Variants in MEI4 observed in about 807,000 individuals in gnomAD.
MEI4 encodes meiosis-specific protein MEI4.
In MEI4, 27 loss-of-function variants were observed where a neutral mutation model predicts 31.4. That is an observed-to-expected ratio of 0.86 (90% confidence interval 0.63 to 1.19). MEI4 has a LOEUF of 1.19. Ranked by LOEUF, MEI4 falls within the 50% of genes most tolerant of loss-of-function variation. MEI4 has a pLI of 0.00. For missense variants in MEI4, 329 were observed against 398.9 expected, an observed-to-expected ratio of 0.82 and a Z score of 1.49; for synonymous variants, 122 against 145.4, an observed-to-expected ratio of 0.84 and a Z score of 1.16.
intron 2 of MEI4, among the ~76,000 whole-genome samples, chr6:77,752,600 A>C (rs1299318778): frequency 2.0e-5 from 3 of 152,240 alleles, no homozygotes; most frequent in African/African-American, 7.2e-5. Flanking sequence ...TGCTTAAGGA[A>C]ATAAGAGAAG....
chr6:77,687,676 G>A (rs1188314762), intron 1 of MEI4, among the ~76,000 whole-genome samples: 2 of 152,068 alleles, frequency 1.3e-5, no homozygotes, highest in African/African-American at 4.8e-5. Context: ...ACAGAACTCA[G>A]TAAGTCACTC....
intron 4 of MEI4, among the ~76,000 whole-genome samples, chr6:77,916,592 C>A (rs1478698048): frequency 1.3e-5 from 2 of 152,038 alleles, no homozygotes; most frequent in African/African-American, 4.8e-5. Context: ...ACTAATTTTA[C>A]ATAGTATTCC....
intron 4 of MEI4, among the ~76,000 whole-genome samples, chr6:77,908,490 C>T (rs892082267): frequency 3.9e-5 from 6 of 152,022 alleles, no homozygotes; most frequent in Admixed American, 2.6e-4. Flanking sequence ...GGGCTCTGTT[C>T]TGTTCCATTG....
intron 3 of MEI4, among the ~76,000 whole-genome samples, chr6:77,769,888 A>C (rs1768268229): frequency 6.6e-6 from 1 of 151,920 alleles, no homozygotes; most frequent in Non-Finnish European, 1.5e-5. Context: ...TGAGACCCAG[A>C]GCCATGTTGG....
intron 4 of MEI4, among the ~76,000 whole-genome samples, chr6:77,905,403 A>G (rs1224263463): frequency 6.7e-6 from 1 of 150,360 alleles, no homozygotes; most frequent in Non-Finnish European, 1.5e-5. Flanking sequence ...TTTGGATTGA[A>G]TGTAATTAGA....
chr6:77,778,125 C>A (rs9343657), intron 3 of MEI4, among the ~76,000 whole-genome samples: 2,519 of 112,002 alleles, frequency 0.022, 55 homozygotes, highest in East Asian at 0.1. Context: ...AGAGAGCAGG[C>A]AAGAGAGTGC....
intron 4 of MEI4, among the ~76,000 whole-genome samples, chr6:77,830,923 G>C (rs1038169572): frequency 6.6e-6 from 1 of 151,904 alleles, no homozygotes; most frequent in Non-Finnish European, 1.5e-5. Context: ...AAGGCAAAAT[G>C]CTTCTGCACA....
chr6:77,706,277 C>G (rs1766331909), intron 2 of MEI4, among the ~76,000 whole-genome samples: 1 of 152,276 alleles, frequency 6.6e-6, no homozygotes, highest in Non-Finnish European at 1.5e-5. Flanking sequence ...ATAAGACACT[C>G]ATTTCAGAAG....
In MEI4 at chr6:77,883,714, TA is replaced by T. The variant is rs1320121201; in HGVS notation, c.901-39373del. 1.7e-4 allele frequency among the ~76,000 whole-genome samples: 7 copies of T among 42,218 alleles called. No homozygotes were observed. In the Admixed American group the frequency reaches 1.9e-3, roughly 11 times the overall value. The allele number at this position is 42,218 out of a possible 152,430, so 27.7% of individuals were successfully genotyped here. A position where few individuals can be genotyped will look rare whatever the true frequency, so the allele number is the denominator to read the frequency against. On this transcript the variant is annotated intron_variant, in intron 4 of 4. Transcript: ENST00000684080. ...ATATATGCAATGAAATGCTATTATG[TA>T]AGATATATATATATATATATATATA...
chr6:77,746,733 A>G (rs1767619182), intron 2 of MEI4, among the ~76,000 whole-genome samples: 1 of 152,020 alleles, frequency 6.6e-6, no homozygotes, highest in South Asian at 2.1e-4. Flanking sequence ...TGTCAAAGTT[A>G]GAATCAGGAT....
chr6:77,744,781 C>T (rs928124177), intron 2 of MEI4, among the ~76,000 whole-genome samples: 44 of 152,160 alleles, frequency 2.9e-4, no homozygotes, highest in Non-Finnish European at 5.4e-4. Context: ...TCGGCAGAAA[C>T]CCTAGAAGCC....
chr6:77,831,525 A>ATG, intron 4 of MEI4, among the ~76,000 whole-genome samples: 1 of 150,808 alleles, frequency 6.6e-6, no homozygotes, highest in Non-Finnish European at 1.5e-5. Flanking sequence ...ATATATATAT[A>ATG]CCAAATAATA....
intron 2 of MEI4, among the ~76,000 whole-genome samples, chr6:77,742,364 A>T (rs1767433897): frequency 6.6e-6 from 1 of 151,928 alleles, no homozygotes; most frequent in Non-Finnish European, 1.5e-5. Flanking sequence ...CATTTCTCTG[A>T]TGGCCAGTGA....
intron 4 of MEI4, among the ~76,000 whole-genome samples, chr6:77,879,765 A>C (rs894683965): frequency 6.6e-6 from 1 of 152,128 alleles, no homozygotes; most frequent in Non-Finnish European, 1.5e-5. Context: ...GTTAGGAATA[A>C]CCTGTCAATG....
rs984665779 is a variant in MEI4 at position 77,653,764 on chromosome 6, A to AT, written c.-15+680dup. 5.9e-5 allele frequency among the ~76,000 whole-genome samples: 9 copies of AT among 152,042 alleles called. No individual in the cohort carries two copies. The East Asian group carries it at 9.7e-4, about 16-fold the overall frequency. ...GTTAATAGAAGATAGTAGCCACATA[A>AT]TTTTTTTTGTCACCTGCCTTTACAA... On this transcript the variant is annotated intron_variant, in intron 1 of 4. Transcript: ENST00000684080.
At chr6:77,703,195 A>G (rs756569078) in intron 2 of MEI4, among the ~76,000 whole-genome samples, 8 of 152,208 alleles carry the variant, frequency 5.3e-5, no homozygotes, top group African/African-American at 1.2e-4. Context: ...GAAATGGTCT[A>G]TGTGAGGGTT....
intron 4 of MEI4, among the ~76,000 whole-genome samples, chr6:77,869,088 G>T (rs139152579): frequency 2.2e-3 from 338 of 152,248 alleles, no homozygotes; most frequent in African/African-American, 7.4e-3. Flanking sequence ...CTGTGCCAGA[G>T]ACTGATTTAG....
chr6:77,693,353 A>G (rs1392809660), intron 2 of MEI4, among the ~76,000 whole-genome samples: 1 of 152,032 alleles, frequency 6.6e-6, no homozygotes, highest in Non-Finnish European at 1.5e-5. Flanking sequence ...TATGACTATC[A>G]TAAGCATCCA....
In MEI4 at chr6:77,864,371, A is replaced by C. The variant is rs570613081; in HGVS notation, c.900+35309A>C. On this transcript the variant is annotated intron_variant, in intron 4 of 4. Transcript: ENST00000684080. ...CAGAGACACACATAGGCTCAAAATA[A>C]AGGGATGGAGGAAGATCTACCAAGC... 1.4e-3 allele frequency among the ~76,000 whole-genome samples: 213 copies of C among 152,304 alleles called. 1 individual carries two copies. The highest frequency in any genetic ancestry group is 4.5e-3 in the African/African-American group (187 of 41,562).
Sources: allele counts gnomAD v4.1 joint callset (sites outside exome capture counted in the v4.1 genomes callset), GRCh38; gene constraint gnomAD v4.1.1; transcripts MANE v1.5; gene names NCBI Gene and HGNC (gene_info 2026-07-23, HGNC 2026-07-21).